Variants in LDLRAD2 observed in about 807,000 individuals in gnomAD.
The protein encoded by LDLRAD2 is low-density lipoprotein receptor class A domain-containing protein 2.
LDLRAD2 carries 25 observed loss-of-function variants against 24.9 expected under a neutral mutation model. The observed-to-expected ratio is 1.00, with a 90% CI of 0.73 to 1.40. LDLRAD2 has a LOEUF of 1.40. Ranked by LOEUF, LDLRAD2 falls within the 40% of genes most tolerant of loss-of-function variation. The pLI is 0.00. For missense variants in LDLRAD2, 391 were observed against 366.2 expected (o/e 1.07, Z -0.55); for synonymous variants, 182 against 166.7 (o/e 1.09, Z -0.71).
At position 21,823,246 on chromosome 1, in the gene LDLRAD2, TTAA is replaced by T. The variant is rs1384787202; in HGVS notation, c.*1040_*1042del. ...TTTCTTACAAAAATTCATAATAATA[TTAA>T]TAATAATATACTCGACATTGTCGGG... On this transcript the variant is annotated 3_prime_UTR_variant, in exon 5 of 5. Transcript: ENST00000344642. 7.7e-7 allele frequency: 1 copy of T among 1,293,536 alleles called. No homozygotes were observed. The highest frequency in any genetic ancestry group is 1.0e-6 in the Non-Finnish European group (1 of 980,240). 80.1% of individuals were successfully genotyped at this position (1,293,536 alleles called of 1,614,324 possible).
At position 21,814,617 on chromosome 1, in the gene LDLRAD2, C is replaced by A. The variant is rs758936752; in HGVS notation, c.305C>A (p.Ala102Asp). The A allele has an allele frequency of 5.6e-6, 9 of 1,609,322 alleles. No homozygotes were observed. Among genetic ancestry groups the A allele is most frequent in the Non-Finnish European group, 6.8e-6 (8 of 1,178,024 alleles). Residue 102 changes from alanine to aspartate, a missense_variant, in exon 2 of 5, where the codon GCC becomes GAC. Physicochemically the swap from Ala to Asp is moderately radical, Grantham distance 126. Coordinates refer to ENST00000344642, the MANE Select transcript of LDLRAD2 (RefSeq NM_001013693.3). ...CCGGCGCTCAACACCTCCTCCCCGG[C>A]CCCGGCCGACCCGTGCGCCCCCGGC... ...APPALNTSSP[A>D]PADPCAPGSY...
At chr1:21,818,254 C>T (rs1327881682) in intron 3 of LDLRAD2, among the ~76,000 whole-genome samples, 1 of 149,780 alleles carries the variant, frequency 6.7e-6, no homozygotes, top group Non-Finnish European at 1.5e-5. Flanking sequence ...TCAAGTGATC[C>T]ACCCGCCTTG....
In LDLRAD2 at chr1:21,825,074, T is replaced by C; in HGVS notation, c.*2859T>C. On this transcript the variant is annotated 3_prime_UTR_variant, in exon 5 of 5. Transcript: ENST00000344642. ...GGACCTGCAACTTTGTTACTAGTAT[T>C]TGCTTATCACATGACAGTAGCTGCA... 2.1e-6 allele frequency: 1 copy of C among 468,264 alleles called. No individual in the cohort carries two copies. Among genetic ancestry groups the C allele is most frequent in the Non-Finnish European group, 4.0e-6 (1 of 252,698 alleles). The allele number at this position is 468,264 out of a possible 1,614,324, so 29.0% of individuals were successfully genotyped here. A position where few individuals can be genotyped will look rare whatever the true frequency, so the allele number is the denominator to read the frequency against.
intron 3 of LDLRAD2, among the ~76,000 whole-genome samples, chr1:21,818,304 A>ATT (rs1346704497): frequency 6.6e-6 from 1 of 151,860 alleles, no homozygotes; most frequent in East Asian, 1.9e-4. Flanking sequence ...GAGCCTCCGC[A>ATT]CCCGGCCTCA....
Position 21,814,728 on chromosome 1 carries a change from T to C in LDLRAD2, c.416T>C (p.Val139Ala). 1 of 1,554,982 alleles carries C rather than the reference T, an allele frequency of 6.4e-7. No homozygotes were observed. Among genetic ancestry groups the C allele is most frequent in the Non-Finnish European group, 8.7e-7 (1 of 1,151,760 alleles). The change falls in exon 2 of 5, where the codon GTG (valine) becomes GCG (alanine). Residue 139 changes from valine to alanine, a missense_variant. Coordinates refer to ENST00000344642, the MANE Select transcript of LDLRAD2 (RefSeq NM_001013693.3). ...PLCGLNIPVPVASSGPFLGLR... is the reference protein window; with the variant it reads ...PLCGLNIPVPAASSGPFLGLR... ...TGCGGCCTGAACATCCCGGTGCCTG[T>C]GGCATCCTCCGGACCCTTTCTAGGC... is the stretch of plus-strand genomic sequence containing the variant.
chr1:21,824,694 C>T lies in LDLRAD2; in HGVS notation c.*2479C>T, dbSNP rs376591729. 1.7e-5 allele frequency: 27 copies of T among 1,613,692 alleles called. 1 individual carries two copies. In the African/African-American group the frequency reaches 2.9e-4, roughly 18 times the overall value. ...ATTAGGCCCATGGGCCCTTCCAATG[C>T]CAGTCTCACCTCCTGGAGAAGACAT... is the stretch of plus-strand genomic sequence containing the variant. On this transcript the variant is annotated 3_prime_UTR_variant, in exon 5 of 5. Coordinates refer to ENST00000344642, the MANE Select transcript of LDLRAD2 (RefSeq NM_001013693.3). This position sits in a 1 kb window ranked among gnomAD's most constrained non-coding sequence, Gnocchi z 5.9.
intron 3 of LDLRAD2, among the ~76,000 whole-genome samples, chr1:21,820,832 C>A (rs2097950480): frequency 6.6e-6 from 1 of 152,246 alleles, no homozygotes; most frequent in African/African-American, 2.4e-5. Context: ...CCTCACCCTT[C>A]AGAGTTGTTG....
Position 21,823,149 on chromosome 1 carries a change from T to G in LDLRAD2, c.*934T>G. 3 of 620,686 alleles carry G rather than the reference T, an allele frequency of 4.8e-6. No individual in the cohort carries two copies. The highest frequency in any genetic ancestry group is 7.7e-6 in the Non-Finnish European group (3 of 390,060). 38.4% of individuals were successfully genotyped at this position (620,686 alleles called of 1,614,324 possible). The stretch of plus-strand genomic sequence containing the variant: ...CCAGCCTTGTGGCTTTGCCCAGCTG[T>G]GTGTGTGAGGGTGGCATGCCCACCT... On this transcript the variant is annotated 3_prime_UTR_variant, in exon 5 of 5. Transcript: ENST00000344642.
rs559484140 is a variant in LDLRAD2, at chr1:21,824,249, G to A, written c.*2034G>A. 1 of 1,613,232 alleles carries A rather than the reference G, an allele frequency of 6.2e-7. No individual in the cohort carries two copies. Among genetic ancestry groups the A allele is most frequent in the East Asian group, 2.2e-5 (1 of 44,868 alleles). On this transcript the variant is annotated 3_prime_UTR_variant, in exon 5 of 5. Coordinates refer to ENST00000344642, the MANE Select transcript of LDLRAD2 (RefSeq NM_001013693.3). This position sits in a 1 kb window ranked among gnomAD's most constrained non-coding sequence, Gnocchi z 5.9. ...AGAAGTATGAGCTGGGGCAGGACCGGGGGGTGGGGTGCTGGGACCAGGGAA... is the reference window on the plus strand; with the variant it reads ...AGAAGTATGAGCTGGGGCAGGACCGAGGGGTGGGGTGCTGGGACCAGGGAA...
rs201431731 is a variant in LDLRAD2 at position 21,815,999 on chromosome 1, G to A, written c.568G>A (p.Val190Met). The change falls in exon 3 of 5, where the codon GTG becomes ATG. Residue 190 changes from valine (V) to methionine (M), a missense_variant. Physicochemically the swap from Val to Met is conservative, Grantham distance 21 (BLOSUM62 1). Transcript: ENST00000344642. ...QNGRCIPSSL[V>M]CDPWGMDNCG... ...TGGCAGGTGCATCCCCTCAAGCCTC[G>A]TGTGTGACCCCTGGGGCATGGACAA... 74 of 1,613,880 alleles carry A rather than the reference G, an allele frequency of 4.6e-5. No homozygotes were observed. Among genetic ancestry groups the A allele is most frequent in the African/African-American group, 1.5e-4 (11 of 75,034 alleles).
chr1:21,821,496 C>G lies in LDLRAD2; in HGVS notation c.690C>G (p.Thr230=), dbSNP rs763291445. The change falls in exon 4 of 5, where the codon ACC becomes ACG. Residue 230 remains threonine (T), a synonymous_variant. Coordinates refer to ENST00000344642, the MANE Select transcript of LDLRAD2 (RefSeq NM_001013693.3). The part of the protein sequence containing the change: ...PSQTGSTDAH[T]SRSLTPSPAL... ...AGACAGGAAGTACAGATGCCCATAC[C>G]TCCAGATCCCTGACTCCCTCCCCAG... 3.1e-6 allele frequency: 5 copies of G among 1,614,008 alleles called. No homozygotes were observed. In the Admixed American group the frequency reaches 6.7e-5, roughly 22 times the overall value.
intron 3 of LDLRAD2, among the ~76,000 whole-genome samples, chr1:21,820,522 C>CAAAAAA (rs11370390): frequency 1.4e-4 from 10 of 69,878 alleles, no homozygotes; most frequent in South Asian, 4.5e-4. Context: ...GACTCCGTCT[C>CAAAAAA]AAAAAAAAAA....
In LDLRAD2 at chr1:21,823,830, C is replaced by T. The variant is rs1320811200; in HGVS notation, c.*1615C>T. ...AGACTCCAGACTCAGAAGTCTGTCC[C>T]TGTTTCCCAAGCTCTTTCTTTCCCC... On this transcript the variant is annotated 3_prime_UTR_variant, in exon 5 of 5. Transcript: ENST00000344642. 4.6e-6 allele frequency: 4 copies of T among 870,102 alleles called. No individual in the cohort carries two copies. The highest frequency in any genetic ancestry group is 7.5e-6 in the Non-Finnish European group (4 of 530,926). 53.9% of individuals were successfully genotyped at this position (870,102 alleles called of 1,614,324 possible). A position where few individuals can be genotyped will look rare whatever the true frequency, so the allele number is the denominator to read the frequency against.
chr1:21,812,662 G>A (rs1036545312), intron 1 of LDLRAD2, 126 bp downstream of exon 1: 7 of 765,760 alleles, frequency 9.1e-6, no homozygotes, highest in African/African-American at 3.5e-5. Flanking sequence ...GGGAGGCTGG[G>A]AAACTGTGTC....
At position 21,822,787 on chromosome 1, in the gene LDLRAD2, G is replaced by A. The variant is rs752420673; in HGVS notation, c.*572G>A. On this transcript the variant is annotated 3_prime_UTR_variant, in exon 5 of 5. Transcript: ENST00000344642. Reference sequence around the variant, plus strand: ...GAGGTGGGTGGGGGTGCTGAAAAACGAGCTGGTGGGGATGGGGACCGCCTG... The same window carrying A: ...GAGGTGGGTGGGGGTGCTGAAAAACAAGCTGGTGGGGATGGGGACCGCCTG... 51 of 160,638 alleles carry A rather than the reference G, an allele frequency of 3.2e-4. No homozygotes were observed. Among genetic ancestry groups the A allele is most frequent in the Non-Finnish European group, 4.9e-4 (36 of 73,056 alleles). 10.0% of individuals were successfully genotyped at this position (160,638 alleles called of 1,614,324 possible). A position where few individuals can be genotyped will look rare whatever the true frequency, so the allele number is the denominator to read the frequency against.
rs369540823 is a variant in LDLRAD2, at chr1:21,814,405, G to A, written c.93G>A (p.Leu31=). The change falls in exon 2 of 5, where the codon CTG becomes CTA. Residue 31 remains leucine, a synonymous_variant. Transcript: ENST00000344642. ...LTATALETAD[L]AELCGQTWQG... The stretch of plus-strand genomic sequence containing the variant: ...CCGTGCCTTCCGCTGCAGCCGACCT[G>A]GCGGAACTGTGCGGGCAGACGTGGC... 93 of 1,596,930 alleles carry A rather than the reference G, an allele frequency of 5.8e-5. 1 individual carries two copies. Among genetic ancestry groups the A allele is most frequent in the Admixed American group, 5.8e-4 (34 of 58,880 alleles).
At chr1:21,819,452 T>A (rs987169223) in intron 3 of LDLRAD2, among the ~76,000 whole-genome samples, 3 of 151,660 alleles carry the variant, frequency 2.0e-5, no homozygotes, top group Admixed American at 2.0e-4. Context: ...CCTGCAGAAC[T>A]GAGACAATTA....
At chr1:21,819,236 G>A (rs2097947551) in intron 3 of LDLRAD2, among the ~76,000 whole-genome samples, 1 of 151,946 alleles carries the variant, frequency 6.6e-6, no homozygotes, top group African/African-American at 2.4e-5. Flanking sequence ...AGCTGGGCGT[G>A]GTGGCATATG....
chr1:21,818,309 G>GC (rs1033027897), intron 3 of LDLRAD2, among the ~76,000 whole-genome samples: 2 of 152,216 alleles, frequency 1.3e-5, no homozygotes, highest in Non-Finnish European at 2.9e-5. Context: ...TCCGCACCCG[G>GC]CCTCATGTTA....
Sources: gnomAD v4.1 joint callset for allele counts (sites outside exome capture counted in the v4.1 genomes callset) on GRCh38, gnomAD v4.1.1 for gene constraint, Gnocchi (gnomAD v3.1) non-coding constraint, MANE v1.5 for transcripts, NCBI Gene and HGNC (gene_info 2026-07-23, HGNC 2026-07-21) for gene names.